Variants in ANO3 observed in about 807,000 individuals in gnomAD.
The protein encoded by ANO3 is anoctamin 3, also known as anoctamin-3.
ANO3 carries 99 observed loss-of-function variants against 144.8 expected under a neutral mutation model. The ratio of observed to expected loss-of-function variants is 0.68; its 90% CI spans 0.58 to 0.81. The LOEUF is 0.81. Ranked by LOEUF, ANO3 falls within the 30% of genes least tolerant of loss-of-function variation. ANO3 has a pLI of 0.00. For missense variants in ANO3, 905 were observed against 1,202.2 expected, an observed-to-expected ratio of 0.75 and a Z score of 3.66; for synonymous variants, 414 against 392.6, an observed-to-expected ratio of 1.05 and a Z score of -0.64.
chr11:26,361,084 G>T (rs893460072), intron 1 of ANO3, among the ~76,000 whole-genome samples: 3 of 152,126 alleles, frequency 2.0e-5, no homozygotes, highest in African/African-American at 7.2e-5. Context: ...GTCAGGAAAA[G>T]CCAGTTTAAC....
At chr11:26,310,409 T>A (rs1196415754) in intron 1 of ANO3, among the ~76,000 whole-genome samples, 1 of 152,206 alleles carries the variant, frequency 6.6e-6, no homozygotes, top group African/African-American at 2.4e-5. Context: ...GCTATTCACA[T>A]GAGAAAACAT....
At chr11:26,273,632 G>GCTGGCACA in intron 1 of ANO3, among the ~76,000 whole-genome samples, 2 of 140,282 alleles carry the variant, frequency 1.4e-5, no homozygotes, top group Middle Eastern at 7.1e-3. Context: ...TGTGGATATG[G>GCTGGCACA]CACACACACA....
chr11:26,398,914 A>T (rs1310527295), intron 1 of ANO3, among the ~76,000 whole-genome samples: 1 of 152,082 alleles, frequency 6.6e-6, no homozygotes, highest in Non-Finnish European at 1.5e-5. Context: ...TCCTGAATGC[A>T]GTAACTTTTG....
intron 10 of ANO3, among the ~76,000 whole-genome samples, chr11:26,540,031 C>T (rs1053759839): frequency 2.0e-5 from 3 of 151,960 alleles, no homozygotes; most frequent in Non-Finnish European, 4.4e-5. Context: ...ATATATTGTC[C>T]TCTTTTTAGA....
chr11:26,636,044 A>T (rs7129591), intron 20 of ANO3, among the ~76,000 whole-genome samples: 115,218 of 151,534 alleles, frequency 0.76, 44,829 homozygotes, highest in Non-Finnish European at 0.85. Flanking sequence ...TTTAAAAAAA[A>T]TAAAAATTAG....
At chr11:26,447,372 A>G (rs1858742531) in intron 3 of ANO3, among the ~76,000 whole-genome samples, 2 of 152,214 alleles carry the variant, frequency 1.3e-5, no homozygotes, top group African/African-American at 2.4e-5. Context: ...ACTTTTTTAC[A>G]GATGAGGAAG....
chr11:26,325,242 T>A (rs1272835212), intron 1 of ANO3, among the ~76,000 whole-genome samples: 1 of 152,106 alleles, frequency 6.6e-6, no homozygotes, highest in Non-Finnish European at 1.5e-5. Flanking sequence ...GCGCAGGGTA[T>A]TTTTTTGGCA....
chr11:26,311,192 T>C (rs940825682), intron 1 of ANO3, among the ~76,000 whole-genome samples: 9 of 152,342 alleles, frequency 5.9e-5, no homozygotes, highest in African/African-American at 1.9e-4. Flanking sequence ...ATTATTCTTA[T>C]GTGTCAGGTA....
At chr11:26,425,742 T>C (rs1206013089) in intron 1 of ANO3, among the ~76,000 whole-genome samples, 1 of 152,088 alleles carries the variant, frequency 6.6e-6, no homozygotes, top group Non-Finnish European at 1.5e-5. Flanking sequence ...GGTGGGTGAA[T>C]AGGGAGGGTG....
chr11:26,442,854 C>T (rs1858570889), intron 2 of ANO3, among the ~76,000 whole-genome samples: 1 of 152,152 alleles, frequency 6.6e-6, no homozygotes, highest in South Asian at 2.1e-4. Flanking sequence ...GTAACGTCTG[C>T]CTCCCGGGTT....
intron 1 of ANO3, among the ~76,000 whole-genome samples, chr11:26,259,352 A>T (rs1429429734): frequency 6.6e-6 from 1 of 152,190 alleles, no homozygotes; most frequent in Non-Finnish European, 1.5e-5. Flanking sequence ...GGAGGTGAAT[A>T]GAAAGTGATA....
In ANO3 at chr11:26,595,551, A is replaced by G. The variant is rs530284596; in HGVS notation, c.1448-2814A>G. 1.2e-4 allele frequency among the ~76,000 whole-genome samples: 17 copies of G among 138,596 alleles called. No individual in the cohort carries two copies. In the South Asian group the frequency reaches 3.2e-3, roughly 26 times the overall value. 90.9% of individuals were successfully genotyped at this position (138,596 alleles called of 152,430 possible). A position where few individuals can be genotyped will look rare whatever the true frequency, so the allele number is the denominator to read the frequency against. ...GCTCACACGTTTGAGCAGACCAATT[A>G]TTAGGCAATTCTCCTAACTCTGCTT... On this transcript the variant is annotated intron_variant, in intron 14 of 26. Coordinates refer to ENST00000256737, the MANE Select transcript of ANO3 (RefSeq NM_031418.4).
intron 12 of ANO3, among the ~76,000 whole-genome samples, chr11:26,550,475 T>A (rs2134224114): frequency 1.3e-5 from 2 of 152,090 alleles, no homozygotes; most frequent in East Asian, 1.9e-4. Flanking sequence ...CTGTTTTTTA[T>A]AAGTTTGACT....
At chr11:26,537,676 G>A (rs1047434144) in intron 10 of ANO3, among the ~76,000 whole-genome samples, 45 of 152,142 alleles carry the variant, frequency 3.0e-4, no homozygotes, top group Admixed American at 1.0e-3. Context: ...GGGAATCCCA[G>A]CCTTAGCGAG....
intron 14 of ANO3, among the ~76,000 whole-genome samples, chr11:26,594,360 C>T (rs968045650): frequency 2.4e-4 from 36 of 152,156 alleles, no homozygotes; most frequent in Middle Eastern, 3.2e-3. Context: ...TCTCGGGCTG[C>T]AGCTATGGCG....
rs908918728 is a variant in ANO3 at position 26,433,209 on chromosome 11, T to A, written c.47-8709T>A. On this transcript the variant is annotated intron_variant, in intron 1 of 26. Coordinates refer to ENST00000256737, the MANE Select transcript of ANO3 (RefSeq NM_031418.4). The stretch of plus-strand genomic sequence containing the variant: ...TCTCGGCTTAGCTGGTGTTGGTGTA[T>A]AGGAATGCTAGTGATTTTTGTATGT... 3.9e-5 allele frequency among the ~76,000 whole-genome samples: 6 copies of A among 152,202 alleles called. No homozygotes were observed. The South Asian group carries it at 1.2e-3, about 31-fold the overall frequency.
intron 1 of ANO3, among the ~76,000 whole-genome samples, chr11:26,359,483 G>T (rs962248014): frequency 6.6e-6 from 1 of 152,104 alleles, no homozygotes; most frequent in Non-Finnish European, 1.5e-5. Flanking sequence ...GATCATACAC[G>T]TATGTACATG....
intron 17 of ANO3, among the ~76,000 whole-genome samples, chr11:26,623,154 G>A (rs1852470693): frequency 6.6e-6 from 1 of 152,178 alleles, no homozygotes; most frequent in South Asian, 2.1e-4. Context: ...TGAGAGTACT[G>A]TACTCAGTGT....
intron 1 of ANO3, among the ~76,000 whole-genome samples, chr11:26,224,839 C>T (rs961816194): frequency 1.2e-4 from 19 of 152,104 alleles, no homozygotes; most frequent in Non-Finnish European, 2.2e-4. Context: ...TGACTGGCAT[C>T]GGGGCAACCA....
Sources: allele counts gnomAD v4.1 joint callset (sites outside exome capture counted in the v4.1 genomes callset), GRCh38; gene constraint gnomAD v4.1.1; transcripts MANE v1.5; gene names NCBI Gene and HGNC (gene_info 2026-07-23, HGNC 2026-07-21).